SSH2: variants seen among roughly 807,000 people sequenced by gnomAD.
SSH2 encodes the protein protein phosphatase Slingshot homolog 2.
Under a neutral mutation model 135.2 loss-of-function variants are expected in SSH2, and 37 were observed. The ratio of observed to expected loss-of-function variants is 0.27; its 90% CI spans 0.21 to 0.36. The LOEUF is 0.36. Ranked by LOEUF, SSH2 falls within the 10% of genes least tolerant of loss-of-function variation. The pLI, the probability that SSH2 is intolerant of heterozygous loss-of-function variation, is 1.00. For missense variants in SSH2, 1,408 were observed against 1,765.3 expected (o/e 0.80, Z 3.63); for synonymous variants, 628 against 646.2 (o/e 0.97, Z 0.43).
chr17:29,854,180 T>C (rs1158593297), intron 1 of SSH2, among the ~76,000 whole-genome samples: 2 of 151,906 alleles, frequency 1.3e-5, no homozygotes, highest in Non-Finnish European at 2.9e-5. Context: ...GACAAAATCA[T>C]ATTCCCTACA....
intron 3 of SSH2, among the ~76,000 whole-genome samples, chr17:29,732,236 G>C (rs1598896537): frequency 1.3e-5 from 2 of 152,046 alleles, no homozygotes; most frequent in East Asian, 3.8e-4. Context: ...TTTCTTCTTA[G>C]TAGGCAAAAG....
At chr17:29,746,598 T>C (rs2040773918) in intron 3 of SSH2, among the ~76,000 whole-genome samples, 1 of 141,494 alleles carries the variant, frequency 7.1e-6, no homozygotes, top group Non-Finnish European at 1.6e-5. Context: ...GATACAATTA[T>C]GGGAAATTAA....
intron 14 of SSH2, among the ~76,000 whole-genome samples, chr17:29,644,551 G>A (rs1257418467): frequency 1.3e-5 from 2 of 152,170 alleles, no homozygotes; most frequent in African/African-American, 4.8e-5. Flanking sequence ...GCTCACGCCT[G>A]TAATCCCAGC....
chr17:29,863,571 C>T (rs866966535), intron 1 of SSH2: 2 of 152,054 alleles, frequency 1.3e-5, no homozygotes, highest in Non-Finnish European at 2.9e-5. Context: ...ATTTTGTGAC[C>T]TCAAAAAGAG....
intron 2 of SSH2, among the ~76,000 whole-genome samples, chr17:29,828,081 TTAGA>T (rs1453188072): frequency 6.6e-6 from 1 of 152,108 alleles, no homozygotes; most frequent in Admixed American, 6.6e-5. Flanking sequence ...AGCCATCATG[TTAGA>T]CTAGATAAAG....
At position 29,878,189 on chromosome 17, in the gene SSH2, A is replaced by G. The variant is rs554854338; in HGVS notation, c.64-29260T>C. Among the ~76,000 whole-genome samples the G allele has an allele frequency of 2.7e-4, 41 of 152,304 alleles. 1 individual carries two copies. In the South Asian group the frequency reaches 4.1e-3, roughly 15 times the overall value. On this transcript the variant is annotated intron_variant, in intron 1 of 15. Coordinates refer to ENST00000540801, the MANE Select transcript of SSH2 (RefSeq NM_001282129.2). The stretch of plus-strand genomic sequence containing the variant: ...ATGCCTGTAATTCCAGCACTTTCAG[A>G]GGCCAAGGAGGGCGGATCACCTGAG...
chr17:29,681,589 A>G (rs1277803967), intron 6 of SSH2, among the ~76,000 whole-genome samples: 1 of 151,848 alleles, frequency 6.6e-6, no homozygotes, highest in East Asian at 1.9e-4. Context: ...CCAAAAAACC[A>G]TGAAGCTCTA....
intron 1 of SSH2, among the ~76,000 whole-genome samples, chr17:29,917,658 T>C (rs183084236): frequency 6.6e-6 from 1 of 152,086 alleles, no homozygotes; most frequent in African/African-American, 2.4e-5. Context: ...ATAAATCCCA[T>C]CCTGGCTAAC....
Position 29,632,136 on chromosome 17 carries a change from A to C in SSH2, c.3058T>G (p.Tyr1020Asp), listed in dbSNP as rs2035707845. The change falls in exon 16 of 16, where the codon TAC becomes GAC. Residue 1020 changes from tyrosine to aspartate, a missense_variant. This residue lies in a region of SSH2 where 1,080 missense variants were observed against 1,144.5 expected (regional missense o/e 0.94). Coordinates refer to ENST00000540801, the MANE Select transcript of SSH2 (RefSeq NM_001282129.2). ...VLKDLRTVIP[Y>D]QESETQAVPL... Reference sequence around the variant, plus strand: ...ACTGCTTGTGTTTCAGACTCCTGGTATGGAATCACAGTCCTCAGATCCTTC... The same window carrying C: ...ACTGCTTGTGTTTCAGACTCCTGGTCTGGAATCACAGTCCTCAGATCCTTC... 2 of 1,613,994 alleles carry C rather than the reference A, an allele frequency of 1.2e-6. No homozygotes were observed. Among genetic ancestry groups the C allele is most frequent in the Non-Finnish European group, 1.7e-6 (2 of 1,180,024 alleles).
At chr17:29,651,560 TC>T (rs1171657450) in intron 12 of SSH2, among the ~76,000 whole-genome samples, 1 of 152,236 alleles carries the variant, frequency 6.6e-6, no homozygotes, top group African/African-American at 2.4e-5. Context: ...TATTATCTTT[TC>T]TTAATGCTGT....
At chr17:29,791,109 G>C (rs755663333) in intron 3 of SSH2, among the ~76,000 whole-genome samples, 2 of 146,756 alleles carry the variant, frequency 1.4e-5, no homozygotes, top group Non-Finnish European at 3.0e-5. Flanking sequence ...TTTTTGAGAC[G>C]GAGTCTTGCT....
intron 3 of SSH2, among the ~76,000 whole-genome samples, chr17:29,792,272 A>G (rs1332633429): frequency 6.6e-6 from 1 of 152,130 alleles, no homozygotes; most frequent in Non-Finnish European, 1.5e-5. Flanking sequence ...CCTCATCATT[A>G]GGTAATTTTT....
At chr17:29,692,201 A>G (rs1237102796) in intron 5 of SSH2, among the ~76,000 whole-genome samples, 1 of 152,016 alleles carries the variant, frequency 6.6e-6, no homozygotes, top group Non-Finnish European at 1.5e-5. Context: ...GTTGACTATC[A>G]AACTTTTAAC....
At chr17:29,927,485 AG>A (rs1180333219) in intron 1 of SSH2, among the ~76,000 whole-genome samples, 2 of 152,232 alleles carry the variant, frequency 1.3e-5, no homozygotes, top group Non-Finnish European at 2.9e-5. Context: ...AAGTATTAAC[AG>A]CGTACTTAAA....
At chr17:29,892,531 T>C (rs1370784808) in intron 1 of SSH2, among the ~76,000 whole-genome samples, 1 of 152,220 alleles carries the variant, frequency 6.6e-6, no homozygotes, top group Admixed American at 6.5e-5. Context: ...GAAGATTCAG[T>C]AAAGCTATAC....
intron 5 of SSH2, among the ~76,000 whole-genome samples, chr17:29,693,176 G>A (rs1489392957): frequency 7.2e-5 from 11 of 151,892 alleles, no homozygotes; most frequent in Non-Finnish European, 1.5e-4. Context: ...TTGAACTCCT[G>A]GGCTCAAGCG....
intron 3 of SSH2, among the ~76,000 whole-genome samples, chr17:29,783,444 G>A (rs1184010325): frequency 3.3e-5 from 5 of 151,840 alleles, no homozygotes; most frequent in Non-Finnish European, 7.4e-5. Flanking sequence ...CAAAAGTGAA[G>A]AAGTGAAGAA....
In SSH2 at chr17:29,700,391, C is replaced by A. The variant is rs2038927344; in HGVS notation, c.292+2568G>T. 3.3e-5 allele frequency among the ~76,000 whole-genome samples: 5 copies of A among 152,250 alleles called. No homozygotes were observed. The South Asian group carries it at 1.0e-3, about 32-fold the overall frequency. ...CTTCTTAAACTGTGGATATCCTATA[C>A]CTGGAGATCTCTCTCCCTAAGACAC... On this transcript the variant is annotated intron_variant, in intron 4 of 15. Transcript: ENST00000540801.
In SSH2 at chr17:29,748,276, A is replaced by G. The variant is rs1291749254; in HGVS notation, c.189-45214T>C. Reference sequence around the variant, plus strand: ...CACAGAAAGTTACCACCAATAATAAAAACACAAATGCATCTTTATACTTTG... The same window carrying G: ...CACAGAAAGTTACCACCAATAATAAGAACACAAATGCATCTTTATACTTTG... On this transcript the variant is annotated intron_variant, in intron 3 of 15. Coordinates refer to ENST00000540801, the MANE Select transcript of SSH2 (RefSeq NM_001282129.2). 3.9e-5 allele frequency among the ~76,000 whole-genome samples: 6 copies of G among 152,022 alleles called. No individual in the cohort carries two copies. The East Asian group carries it at 1.2e-3, about 29-fold the overall frequency.
Sources: allele counts gnomAD v4.1 joint callset (sites outside exome capture counted in the v4.1 genomes callset), GRCh38; gene constraint gnomAD v4.1.1; regional missense constraint gnomAD v4.1.1; transcripts MANE v1.5; gene names NCBI Gene and HGNC (gene_info 2026-07-23, HGNC 2026-07-21).